The following SPRED2 variants were observed in gnomAD, a reference collection of about 807,000 sequenced individuals.
SPRED2 encodes sprouty related EVH1 domain containing 2.
Under a neutral mutation model 43.0 loss-of-function variants are expected in SPRED2, and 47 were observed. The ratio of observed to expected loss-of-function variants is 1.09; its 90% CI spans 0.87 to 1.40. The LOEUF (loss-of-function observed/expected upper bound fraction) is 1.40. SPRED2 is among the 40% of genes most tolerant of loss of function. The pLI is 0.00. For missense variants in SPRED2, 561 were observed against 586.4 expected (o/e 0.96, Z 0.45); for synonymous variants, 225 against 225.7 (o/e 1.00, Z 0.03).
At chr2:65,380,524 A>G (rs1390188042) in intron 1 of SPRED2, 1 of 152,236 alleles carries the variant, frequency 6.6e-6, no homozygotes, top group African/African-American at 2.4e-5. Context: ...TTAGTTAAAC[A>G]CCATTTTTAA....
Position 65,398,123 on chromosome 2 carries a change from A to C in SPRED2, c.26+33839T>G, listed in dbSNP as rs901482224. ...AACTGATCTTTGACAAAGCAAACAA[A>C]AACTTAAAGCAGAAAAAGAACACCC... On this transcript the variant is annotated intron_variant, in intron 1 of 5. Coordinates refer to ENST00000356388, the MANE Select transcript of SPRED2 (RefSeq NM_181784.3). 3.9e-5 allele frequency among the ~76,000 whole-genome samples: 6 copies of C among 152,204 alleles called. No homozygotes were observed. The South Asian group carries it at 1.2e-3, about 31-fold the overall frequency.
At position 65,312,563 on chromosome 2, in the gene SPRED2, AAAC is replaced by A. The variant is rs1261324380; in HGVS notation, c.*935_*937del. ...GTTTGAGGAAACTATTTGGTTTGCA[AAAC>A]AACAAGCAAAATTTCTTACTTCACT... On this transcript the variant is annotated 3_prime_UTR_variant, in exon 6 of 6. Coordinates refer to ENST00000356388, the MANE Select transcript of SPRED2 (RefSeq NM_181784.3). 22 of 985,518 alleles carry A rather than the reference AAAC, an allele frequency of 2.2e-5. No homozygotes were observed. The highest frequency in any genetic ancestry group is 2.3e-4 in the East Asian group (2 of 8,834). The allele number at this position is 985,518 out of a possible 1,614,324, so 61.0% of individuals were successfully genotyped here.
intron 4 of SPRED2, among the ~76,000 whole-genome samples, chr2:65,328,954 T>A (rs948710687): frequency 6.6e-5 from 10 of 152,178 alleles, no homozygotes; most frequent in African/African-American, 2.4e-4. Flanking sequence ...AGTACAAAAT[T>A]CAACAAATTC....
At position 65,344,841 on chromosome 2, in the gene SPRED2, CG is replaced by C; in HGVS notation, c.81del (p.Ser27ArgfsTer49). ...CCTCCTTCCTGTGGGAACCATCCCC[CG>C]CTGGAGTCATCTCTGGTCATAACCA... ...KAVVMTRDDS[S>X]GGWFPQEGGG... On this transcript the variant is annotated frameshift_variant, in exon 2 of 6. Transcript: ENST00000356388. LOFTEE classifies it high-confidence loss of function. 6.2e-7 allele frequency: 1 copy of C among 1,614,132 alleles called. No homozygotes were observed. Among genetic ancestry groups the C allele is most frequent in the Non-Finnish European group, 8.5e-7 (1 of 1,180,024 alleles).
chr2:65,363,117 G>A (rs938006748), intron 1 of SPRED2, among the ~76,000 whole-genome samples: 1 of 143,504 alleles, frequency 7.0e-6, no homozygotes, highest in South Asian at 2.2e-4. Flanking sequence ...GCACATGCCT[G>A]TAATCCCAGC....
At chr2:65,315,388 TCA>T (rs930863408) in intron 5 of SPRED2, among the ~76,000 whole-genome samples, 5 of 152,200 alleles carry the variant, frequency 3.3e-5, no homozygotes, top group African/African-American at 1.2e-4. Flanking sequence ...ACTCTCGCCA[TCA>T]CAGTCATTAT....
intron 1 of SPRED2, among the ~76,000 whole-genome samples, chr2:65,405,687 T>C (rs916892908): frequency 1.3e-5 from 2 of 152,174 alleles, no homozygotes; most frequent in Admixed American, 6.5e-5. Flanking sequence ...ACTGCAATCC[T>C]CTTTTCTGTG....
chr2:65,360,580 T>C (rs1209368825), intron 1 of SPRED2, among the ~76,000 whole-genome samples: 1 of 152,228 alleles, frequency 6.6e-6, no homozygotes, highest in African/African-American at 2.4e-5. Flanking sequence ...AAAGAAATAC[T>C]GCATGATTTG....
At chr2:65,387,803 CTT>C (rs1181144610) in intron 1 of SPRED2, among the ~76,000 whole-genome samples, 2 of 104,730 alleles carry the variant, frequency 1.9e-5, no homozygotes, top group Admixed American at 2.0e-4. Context: ...TTTTCTTTTT[CTT>C]TTTTTTTTTG....
Position 65,312,037 on chromosome 2 carries a change from G to A in SPRED2, c.*1464C>T, listed in dbSNP as rs1673085078. 3 of 985,418 alleles carry A rather than the reference G, an allele frequency of 3.0e-6. No individual in the cohort carries two copies. The highest frequency in any genetic ancestry group is 5.2e-4 in the Middle Eastern group (1 of 1,914). The allele number at this position is 985,418 out of a possible 1,614,324, so 61.0% of individuals were successfully genotyped here. On this transcript the variant is annotated 3_prime_UTR_variant, in exon 6 of 6. Coordinates refer to ENST00000356388, the MANE Select transcript of SPRED2 (RefSeq NM_181784.3). ...CAAGCCTGTCCCCGGTGGTCTCCAC[G>A]AGGTTCTGATTGTACTATGCTAGGT...
intron 1 of SPRED2, among the ~76,000 whole-genome samples, chr2:65,401,372 G>C (rs780977137): frequency 1.2e-4 from 19 of 152,222 alleles, no homozygotes; most frequent in South Asian, 4.1e-4. Flanking sequence ...AGCTTAGCAA[G>C]AAGACCCCCC....
At chr2:65,405,429 CTTATT>C (rs1558687064) in intron 1 of SPRED2, among the ~76,000 whole-genome samples, 1 of 152,180 alleles carries the variant, frequency 6.6e-6, no homozygotes, top group African/African-American at 2.4e-5. Context: ...TTGCTTGGAT[CTTATT>C]TTATTCTGAT....
At chr2:65,368,467 G>C (rs758208371) in intron 1 of SPRED2, among the ~76,000 whole-genome samples, 8 of 152,136 alleles carry the variant, frequency 5.3e-5, no homozygotes, top group Non-Finnish European at 1.2e-4. Context: ...TAGAAATGGG[G>C]GAAATTAATA....
intron 1 of SPRED2, among the ~76,000 whole-genome samples, chr2:65,426,326 A>G (rs574506546): frequency 6.6e-6 from 1 of 152,194 alleles, no homozygotes; most frequent in African/African-American, 2.4e-5. Context: ...TTAACCAAAT[A>G]CAACAATTGT....
chr2:65,328,972 C>T (rs548464450), intron 4 of SPRED2, among the ~76,000 whole-genome samples: 14 of 152,284 alleles, frequency 9.2e-5, no homozygotes, highest in African/African-American at 3.4e-4. Flanking sequence ...TTCATTTTTC[C>T]ACTTAAGAAT....
downstream of SPRED2, among the ~76,000 whole-genome samples, chr2:65,307,800 C>A (rs149144913): frequency 3.0e-3 from 464 of 152,304 alleles, 2 homozygotes; most frequent in African/African-American, 0.01. Flanking sequence ...AGGGTCATTG[C>A]CCTTCATTCC....
At position 65,407,331 on chromosome 2, in the gene SPRED2, C is replaced by T. The variant is rs114736569; in HGVS notation, c.26+24631G>A. ...ACTGACAATGAAGACTCCCAAACCA[C>T]AATAACTTAACAGGAAACTGAGGTG... On this transcript the variant is annotated intron_variant, in intron 1 of 5. Coordinates refer to ENST00000356388, the MANE Select transcript of SPRED2 (RefSeq NM_181784.3). Among the ~76,000 whole-genome samples the T allele has an allele frequency of 9.8e-3, 1,448 of 148,314 alleles. 27 individuals carry two copies. The highest frequency in any genetic ancestry group is 0.035 in the African/African-American group (1,394 of 40,148).
rs1673162404 is a variant in SPRED2 at position 65,314,043 on chromosome 2, TG to T, written c.714del (p.Lys239SerfsTer38). 1 of 1,614,036 alleles carries T rather than the reference TG, an allele frequency of 6.2e-7. No homozygotes were observed. Among genetic ancestry groups the T allele is most frequent in the African/African-American group, 1.3e-5 (1 of 74,938 alleles). On this transcript the variant is annotated frameshift_variant, in exon 6 of 6. Coordinates refer to ENST00000356388, the MANE Select transcript of SPRED2 (RefSeq NM_181784.3). LOFTEE classifies it high-confidence loss of function. ...GCGTCCTCCGAGGGGTCCGGGTACTTGCCCCTGACGGGTGCGTGCCGGTAAT... is the reference window on the plus strand; with the variant it reads ...GCGTCCTCCGAGGGGTCCGGGTACTTCCCCTGACGGGTGCGTGCCGGTAAT... ...YEDYRHAPVR[G>X]KYPDPSEDAD...
At chr2:65,376,975 A>G (rs1428695353) in intron 1 of SPRED2, among the ~76,000 whole-genome samples, 1 of 152,126 alleles carries the variant, frequency 6.6e-6, no homozygotes, top group Middle Eastern at 3.2e-3. Context: ...CGGCCTCCCA[A>G]AGTGCTGAGA....
Sources: allele counts gnomAD v4.1 joint callset (sites outside exome capture counted in the v4.1 genomes callset), GRCh38; gene constraint gnomAD v4.1.1; transcripts MANE v1.5; gene names NCBI Gene and HGNC (gene_info 2026-07-23, HGNC 2026-07-21).